BTBD16: variants seen among roughly 807,000 people sequenced by gnomAD.
The protein encoded by BTBD16 is BTB/POZ domain-containing protein 16.
A neutral mutation model predicts 67.4 loss-of-function variants in BTBD16; 66 were observed. The observed-to-expected ratio is 0.98, with a 90% CI of 0.80 to 1.20. The LOEUF (loss-of-function observed/expected upper bound fraction) is 1.20, where lower values mean the gene tolerates loss of function less well. Among genes scored for constraint, BTBD16 ranks in the 50% most tolerant of loss-of-function variants. BTBD16 has a pLI of 0.00. For synonymous variants in BTBD16, 242 were observed against 236.4 expected (o/e 1.02, Z -0.22); for missense variants, 634 against 616.0 (o/e 1.03, Z -0.31).
At chr10:122,303,486 T>C (rs2096397850) in intron 9 of BTBD16, 1 of 152,930 alleles carries the variant, frequency 6.5e-6, no homozygotes. Flanking sequence ...CAACGATCTC[T>C]TTTCACTCCC....
intron 15 of BTBD16, 60 bp from the exon 16 acceptor site, chr10:122,337,957 T>TG: frequency 2.1e-6 from 3 of 1,418,052 alleles, no homozygotes; most frequent in Non-Finnish European, 2.0e-6. Flanking sequence ...TTTCCCCTTC[T>TG]GGGGGGCAAT....
intron 1 of BTBD16, among the ~76,000 whole-genome samples, chr10:122,272,841 C>G (rs1052721343): frequency 6.6e-5 from 10 of 152,042 alleles, no homozygotes; most frequent in Non-Finnish European, 1.2e-4. Flanking sequence ...TTAAAAAATG[C>G]TAGTGAGACT....
intron 7 of BTBD16, among the ~76,000 whole-genome samples, chr10:122,294,459 T>G (rs2096379504): frequency 6.6e-6 from 1 of 152,254 alleles, no homozygotes; most frequent in South Asian, 2.1e-4. Context: ...TTGACTCTCA[T>G]GTCAATATCT....
At chr10:122,277,932 G>C (rs924084865) in intron 3 of BTBD16, among the ~76,000 whole-genome samples, 1 of 152,182 alleles carries the variant, frequency 6.6e-6, no homozygotes, top group Admixed American at 6.5e-5. Context: ...CCTTAGGCTG[G>C]CAGCATCAGT....
intron 3 of BTBD16, among the ~76,000 whole-genome samples, chr10:122,282,440 C>T (rs146370384): frequency 1.3e-5 from 2 of 152,330 alleles, no homozygotes; most frequent in African/African-American, 4.8e-5. Context: ...ATTCTGGACA[C>T]GGGCTCCCAC....
At chr10:122,303,856 G>T (rs929646736) in intron 9 of BTBD16, among the ~76,000 whole-genome samples, 1 of 152,214 alleles carries the variant, frequency 6.6e-6, no homozygotes, top group Non-Finnish European at 1.5e-5. Context: ...GAATGTCTTT[G>T]GTGTGGTTAT....
chr10:122,297,988 GTGT>G, intron 8 of BTBD16, 151 bp downstream of exon 8: 1 of 666,308 alleles, frequency 1.5e-6, no homozygotes, highest in Non-Finnish European at 2.5e-6. Flanking sequence ...ACACATTTGT[GTGT>G]TTTTTTTTTT....
At chr10:122,332,748 C>A (rs1041682600) in intron 13 of BTBD16, 1 of 884,942 alleles carries the variant, frequency 1.1e-6, no homozygotes. Flanking sequence ...ACCAGCAGTC[C>A]TGGTGGTACT....
chr10:122,274,705 G>T (rs572718074), intron 1 of BTBD16, among the ~76,000 whole-genome samples: 1 of 152,088 alleles, frequency 6.6e-6, no homozygotes, highest in Non-Finnish European at 1.5e-5. Flanking sequence ...TAGTCTCCTC[G>T]TCTGAATGAT....
chr10:122,274,306 C>G (rs753093493), intron 1 of BTBD16, among the ~76,000 whole-genome samples: 1 of 152,182 alleles, frequency 6.6e-6, no homozygotes, highest in Non-Finnish European at 1.5e-5. Flanking sequence ...TGAAAAGAAC[C>G]CTGCATAGAT....
chr10:122,324,283 C>T (rs562516807), intron 10 of BTBD16, among the ~76,000 whole-genome samples: 1 of 152,268 alleles, frequency 6.6e-6, no homozygotes, highest in East Asian at 1.9e-4. Flanking sequence ...ACAGCACCTT[C>T]CCCCACCCAT....
At chr10:122,336,791 T>C (rs3817285) in intron 15 of BTBD16, 109 bp downstream of exon 15, 537,543 of 930,954 alleles carry the variant, frequency 0.58, 159,826 homozygotes, top group East Asian at 0.97. Context: ...TGAAGATCCC[T>C]GGAAAATCTG....
chr10:122,284,037 C>G, intron 4 of BTBD16, 113 bp downstream of exon 4: 2 of 744,420 alleles, frequency 2.7e-6, no homozygotes, highest in Non-Finnish European at 4.7e-6. Flanking sequence ...GTATAAGTTG[C>G]AATTCTCATC....
At chr10:122,319,254 C>G (rs1419709802) in intron 10 of BTBD16, among the ~76,000 whole-genome samples, 1 of 151,992 alleles carries the variant, frequency 6.6e-6, no homozygotes, top group African/African-American at 2.4e-5. Context: ...TGACTTTTTT[C>G]TTCTTTTCAG....
chr10:122,291,242 C>G (rs762165408), intron 7 of BTBD16, 48 bp downstream of exon 7: 1 of 1,579,860 alleles, frequency 6.3e-7, no homozygotes, highest in Admixed American at 1.8e-5. Flanking sequence ...TGGGGGAAAT[C>G]GGAAGGGCAA....
intron 10 of BTBD16, chr10:122,328,950 C>T (rs2096450165): frequency 1.8e-6 from 1 of 557,066 alleles, no homozygotes. Flanking sequence ...CCGTTCTCTT[C>T]TTCTTTTTAA....
intron 14 of BTBD16, among the ~76,000 whole-genome samples, 176 bp downstream of exon 14, chr10:122,335,155 G>C (rs2096461590): frequency 6.6e-6 from 1 of 152,162 alleles, no homozygotes; most frequent in African/African-American, 2.4e-5. Flanking sequence ...AACAACCTTG[G>C]GAAGTAGGTA....
At position 122,338,141 on chromosome 10, in the gene BTBD16, T is replaced by C. The variant is rs371780122; in HGVS notation, c.*56T>C. On this transcript the variant is annotated 3_prime_UTR_variant, in exon 16 of 16. Coordinates refer to ENST00000260723, the MANE Select transcript of BTBD16 (RefSeq NM_144587.5). ...CCCCACTGGTCTGCATAAAAGAAAATAAAATGACATAAAAGGGAGCACTCA... is the reference window on the plus strand; with the variant it reads ...CCCCACTGGTCTGCATAAAAGAAAACAAAATGACATAAAAGGGAGCACTCA... The C allele has an allele frequency of 1.2e-5, 17 of 1,363,858 alleles. No individual in the cohort carries two copies. The African/African-American group carries it at 1.7e-4, about 14-fold the overall frequency. The allele number at this position is 1,363,858 out of a possible 1,614,324, so 84.5% of individuals were successfully genotyped here.
intron 7 of BTBD16, among the ~76,000 whole-genome samples, chr10:122,295,925 A>G (rs1173526243): frequency 6.6e-6 from 1 of 152,080 alleles, no homozygotes; most frequent in Non-Finnish European, 1.5e-5. Context: ...AGTGGCTTCC[A>G]TGAATACATG....
Sources: gnomAD v4.1 joint callset for allele counts (sites outside exome capture counted in the v4.1 genomes callset) on GRCh38, gnomAD v4.1.1 for gene constraint, MANE v1.5 for transcripts, NCBI Gene and HGNC (gene_info 2026-07-23, HGNC 2026-07-21) for gene names.